MYO1A: variants seen among roughly 807,000 people sequenced by gnomAD.
The protein encoded by MYO1A is myosin IA.
MYO1A carries 127 observed loss-of-function variants against 138.5 expected under a neutral mutation model. The ratio of observed to expected loss-of-function variants is 0.92; its 90% CI spans 0.79 to 1.06. MYO1A has a LOEUF of 1.06. Among genes scored for constraint, MYO1A ranks in the 50% least tolerant of loss-of-function variants. MYO1A has a pLI of 0.00. For missense variants in MYO1A, 1,211 were observed against 1,288.8 expected (o/e 0.94, Z 0.92); for synonymous variants, 477 against 497.5 (o/e 0.96, Z 0.55).
Position 57,028,788 on chromosome 12 carries a change from C to T in MYO1A, c.3099G>A (p.Lys1033=), listed in dbSNP as rs1347366261. 5 of 1,613,126 alleles carry T rather than the reference C, an allele frequency of 3.1e-6. No homozygotes were observed. The highest frequency in any genetic ancestry group is 1.7e-5 in the Admixed American group (1 of 59,960). The change falls in exon 28 of 28, where the codon AAG becomes AAA. Residue 1033 remains lysine (K), a synonymous_variant. Transcript: ENST00000300119. ...GDNSKLRYKK[K]GSHCLEVTVQ is the part of the protein sequence containing the mutation. ...CAGTCACCTCCAAGCAATGACTCCC[C>T]TTTTTTTTGTAGCGTAGCTTGCTGT...
Position 57,043,141 on chromosome 12 carries a change from G to A in MYO1A, c.1029C>T (p.Asp343=), listed in dbSNP as rs934081266. Residue 343 remains aspartate, a synonymous_variant, in exon 12 of 28, where the codon GAC becomes GAT. Transcript: ENST00000300119. ...GGCTGTAGATGTTCTTAGCCAGGGC[G>A]TCCCGAGCATACTGAGCCTGTGGGT... ...LNVMQAQYAR[D]ALAKNIYSRL... 10 of 1,614,150 alleles carry A rather than the reference G, an allele frequency of 6.2e-6. No individual in the cohort carries two copies. Among genetic ancestry groups the A allele is most frequent in the East Asian group, 4.5e-5 (2 of 44,880 alleles).
At chr12:57,037,341 A>T (rs1592474743) in intron 19 of MYO1A, among the ~76,000 whole-genome samples, 1 of 152,214 alleles carries the variant, frequency 6.6e-6, no homozygotes, top group Admixed American at 6.5e-5. Context: ...ACTTAGAGCC[A>T]TGCAGCACCA....
chr12:57,048,278 G>C lies in MYO1A; in HGVS notation c.46C>G (p.Leu16Val). ...GSVGVEDLVL[L>V]EPLVEESLLK... is the part of the protein sequence containing the mutation. ...AGTGACTCCTCCACCAAGGGTTCCA[G>C]GAGGACAAGATCCTCCACCCCCACA... The change falls in exon 2 of 28, where the codon CTG becomes GTG. Residue 16 changes from leucine to valine, a missense_variant. Coordinates refer to ENST00000300119, the MANE Select transcript of MYO1A (RefSeq NM_005379.4). 1 of 1,614,210 alleles carries C rather than the reference G, an allele frequency of 6.2e-7. No individual in the cohort carries two copies. Among genetic ancestry groups the C allele is most frequent in the Non-Finnish European group, 8.5e-7 (1 of 1,180,038 alleles).
chr12:57,047,682 G>A lies in MYO1A; in HGVS notation c.270C>T (p.Asp90=). The A allele has an allele frequency of 6.2e-7, 1 of 1,614,238 alleles. No individual in the cohort carries two copies. Among genetic ancestry groups the A allele is most frequent in the East Asian group, 2.2e-5 (1 of 44,884 alleles). Residue 90 remains aspartate, a synonymous_variant, in exon 4 of 28, where the codon GAC becomes GAT. Transcript: ENST00000300119. ...TGAGGATACACTGGTCTCGGTCCCT[G>A]TCCCTCAGTGACTGGTACGCCACAT... is the stretch of plus-strand genomic sequence containing the variant. ...LANVAYQSLR[D]RDRDQCILIT...
At position 57,031,141 on chromosome 12, in the gene MYO1A, A is replaced by C; in HGVS notation, c.2383T>G (p.Leu795Val). 6.2e-7 allele frequency: 1 copy of C among 1,614,116 alleles called. No individual in the cohort carries two copies. The change falls in exon 23 of 28, where the codon TTG becomes GTG. Residue 795 changes from leucine (L) to valine (V), a missense_variant. By Grantham distance (32) the Leu-to-Val change is conservative. Coordinates refer to ENST00000300119, the MANE Select transcript of MYO1A (RefSeq NM_005379.4). ...TTGTCTAAGACGTTTGTGGATGGCA[A>C]ATTGTTCTTCAGCCCCAGTAGGAAT... The part of the protein sequence containing the change: ...QKFLLGLKNN[L>V]PSTNVLDKTW...
chr12:57,037,124 C>T (rs1485723325), intron 19 of MYO1A, 33 bp from the exon 20 acceptor site: 2 of 1,613,114 alleles, frequency 1.2e-6, no homozygotes. Flanking sequence ...GACAGAGAGA[C>T]TGGCTCAGGG....
chr12:57,046,444 A>C (rs2031091215), intron 8 of MYO1A, 108 bp downstream of exon 8: 2 of 836,698 alleles, frequency 2.4e-6, no homozygotes, highest in Non-Finnish European at 4.1e-6. Flanking sequence ...GGCTCAAGGG[A>C]AGAGGGCTGT....
chr12:57,038,091 C>CCT, intron 17 of MYO1A, 22 bp from the exon 18 acceptor site: 1 of 1,612,744 alleles, frequency 6.2e-7, no homozygotes, highest in Non-Finnish European at 8.5e-7. Context: ...TGGGGTAAGG[C>CCT]ACAGCCTTCA....
At position 57,030,941 on chromosome 12, in the gene MYO1A, T is replaced by C. The variant is rs919415287; in HGVS notation, c.2484+99A>G. On this transcript the variant is annotated intron_variant, in intron 23 of 27. Coordinates refer to ENST00000300119, the MANE Select transcript of MYO1A (RefSeq NM_005379.4). ...GTTATGTATATTTTACCACAATTTT[T>C]TTAATGGGAAAAAAATAGAAGAGGG... 13 of 1,473,028 alleles carry C rather than the reference T, an allele frequency of 8.8e-6. 1 individual carries two copies. The highest frequency in any genetic ancestry group is 8.5e-5 in the African/African-American group (6 of 70,464). The allele number at this position is 1,473,028 out of a possible 1,614,324, so 91.2% of individuals were successfully genotyped here. A position where few individuals can be genotyped will look rare whatever the true frequency, so the allele number is the denominator to read the frequency against.
rs779548161 is a variant in MYO1A at position 57,031,171 on chromosome 12, G to T, written c.2353C>A (p.Gln785Lys). ...TTCTTCAGCCCCAGTAGGAATTTCT[G>T]TACCTAGTTTGGGACCAGGGGGATT... ...LADFIYKSMV[Q>K]KFLLGLKNNL... Residue 785 changes from glutamine (Q) to lysine (K), a missense_variant, in exon 23 of 28, where the codon CAG becomes AAG. Physicochemically the swap from Gln to Lys is moderately conservative, Grantham distance 53 (BLOSUM62 1). Coordinates refer to ENST00000300119, the MANE Select transcript of MYO1A (RefSeq NM_005379.4). 6.2e-7 allele frequency: 1 copy of T among 1,614,146 alleles called. No individual in the cohort carries two copies. Among genetic ancestry groups the T allele is most frequent in the Non-Finnish European group, 8.5e-7 (1 of 1,180,020 alleles).
chr12:57,041,273 G>T lies in MYO1A; in HGVS notation c.1180C>A (p.Gln394Lys). The T allele has an allele frequency of 6.2e-7, 1 of 1,613,976 alleles. No homozygotes were observed. The highest frequency in any genetic ancestry group is 1.3e-5 in the African/African-American group (1 of 75,020). The change falls in exon 14 of 28, where the codon CAA becomes AAA. Residue 394 changes from glutamine (Q) to lysine (K), a missense_variant. Gln to Lys is a moderately conservative substitution (Grantham distance 53, BLOSUM62 1). Transcript: ENST00000300119. ...TCATTGCAGTAGTTGATCACAAATT[G>T]CTCAAAGCTATTATCCTGAGAGAGG... Reference protein sequence around the residue: ...FEILEDNSFEQFVINYCNEKL... With the variant: ...FEILEDNSFEKFVINYCNEKL...
Position 57,043,898 on chromosome 12 carries a change from G to A in MYO1A, c.850C>T (p.Gln284Ter). 2 of 1,614,132 alleles carry A rather than the reference G, an allele frequency of 1.2e-6. No individual in the cohort carries two copies. The highest frequency in any genetic ancestry group is 1.7e-6 in the Non-Finnish European group (2 of 1,180,016). ...CCACTTGCTGGTATCCCACTGGCCT[G>A]GAACTCATCAGCCACCAACACGTTC... ...LGNVLVADEF[Q>*]ASGIPASGIR... The change falls in exon 10 of 28, where the codon CAG (glutamine) becomes TAG (stop). Residue 284 changes from glutamine to a stop codon, truncating the protein, a stop_gained. Transcript: ENST00000300119. LOFTEE classifies it high-confidence loss of function.
chr12:57,041,568 G>C, intron 12 of MYO1A, 71 bp from the exon 13 acceptor site: 2 of 1,350,876 alleles, frequency 1.5e-6, no homozygotes, highest in Non-Finnish European at 2.1e-6. Flanking sequence ...TTCTGGAGCG[G>C]ATGGGGTTGG....
upstream of MYO1A, chr12:57,050,138 T>C (rs2270735): frequency 9.5e-3 from 1,446 of 152,412 alleles, 56 homozygotes; most frequent in East Asian, 0.13. Context: ...AGGCCGGAGA[T>C]GGCTGATCAG....
chr12:57,034,882 C>G (rs575318544), intron 22 of MYO1A, among the ~76,000 whole-genome samples: 14 of 152,120 alleles, frequency 9.2e-5, no homozygotes, highest in African/African-American at 3.4e-4. Flanking sequence ...AGGATAATCA[C>G]TTGAACCTGG....
intron 14 of MYO1A, 148 bp downstream of exon 14, chr12:57,041,036 G>A: frequency 1.5e-6 from 1 of 684,618 alleles, no homozygotes; most frequent in South Asian, 1.6e-5. Context: ...TGGTAATGCT[G>A]GAATGATCTA....
At chr12:57,049,241 A>T (rs1305877507) in intron 1 of MYO1A, among the ~76,000 whole-genome samples, 2 of 152,196 alleles carry the variant, frequency 1.3e-5, no homozygotes, top group Non-Finnish European at 2.9e-5. Flanking sequence ...GGTGTTCCCT[A>T]AGGAGGAAAC....
In MYO1A at chr12:57,046,652, T is replaced by C. The variant is rs554186187; in HGVS notation, c.542-2A>G. On this transcript the variant is annotated splice_acceptor_variant, in intron 7 of 27. Coordinates refer to ENST00000300119, the MANE Select transcript of MYO1A (RefSeq NM_005379.4). LOFTEE classifies it high-confidence loss of function. Reference sequence around the variant, plus strand: ...CTAATCGGGATTTCTCAAGCAGATCTGGCAGAGAATTAGAAAAATAATATC... The same window carrying C: ...CTAATCGGGATTTCTCAAGCAGATCCGGCAGAGAATTAGAAAAATAATATC... 5 of 1,613,064 alleles carry C rather than the reference T, an allele frequency of 3.1e-6. No homozygotes were observed. In the South Asian group the frequency reaches 5.5e-5, roughly 18 times the overall value.
intron 8 of MYO1A, 23 bp from the exon 9 acceptor site, chr12:57,044,232 A>G (rs769276228): frequency 5.0e-6 from 8 of 1,597,410 alleles, no homozygotes; most frequent in Non-Finnish European, 4.3e-6. Context: ...GTGTTGGGGA[A>G]GATGGTTAGT....
Sources: gnomAD v4.1 joint callset for allele counts (sites outside exome capture counted in the v4.1 genomes callset) on GRCh38, gnomAD v4.1.1 for gene constraint, MANE v1.5 for transcripts, NCBI Gene and HGNC (gene_info 2026-07-23, HGNC 2026-07-21) for gene names.